Variants in PPP1R3F observed in about 807,000 individuals in gnomAD.
PPP1R3F encodes the protein protein phosphatase 1 regulatory subunit 3F.
In PPP1R3F, 29 loss-of-function variants were observed where a neutral mutation model predicts 24.2. That is an observed-to-expected ratio of 1.20 (90% CI 0.89 to 1.63). PPP1R3F has a LOEUF of 1.63. Ranked by LOEUF, PPP1R3F falls within the 40% of genes most tolerant of loss-of-function variation. PPP1R3F has a pLI of 0.00. For synonymous variants in PPP1R3F, 363 were observed against 340.1 expected (o/e 1.07, Z -0.74); for missense variants, 823 against 729.3 (o/e 1.13, Z -1.48).
chrX:49,299,974 G>C (rs1292409547), intron 3 of PPP1R3F, among the ~76,000 whole-genome samples: 1 of 112,081 alleles, frequency 8.9e-6, no homozygotes. Context: ...TGCTCAGCTA[G>C]ACCACATGGC....
In PPP1R3F at chrX:49,270,194, G is replaced by A. The variant is rs1557118688; in HGVS notation, c.325G>A (p.Ala109Thr). ...GCCCTCACCGCTGTGCCCCGTCCCC[G>A]CTGGCGGGGGGTTTTACCTGGTCCC... The part of the protein sequence containing the change: ...PEPSPLCPVP[A>T]GGGFYLVPTF... The change falls in exon 1 of 4, where the codon GCT becomes ACT. Residue 109 changes from alanine to threonine, a missense_variant. Coordinates refer to ENST00000055335, the MANE Select transcript of PPP1R3F (RefSeq NM_033215.5). 1 of 1,093,799 alleles carries A rather than the reference G, an allele frequency of 9.1e-7. No homozygotes were observed. The highest frequency in any genetic ancestry group is 1.2e-6 in the Non-Finnish European group (1 of 845,475). The allele number at this position is 1,093,799 out of a possible 1,213,427, so 90.1% of individuals were successfully genotyped here.
rs1351635910 is a variant in PPP1R3F, at chrX:49,274,397, GCTC to G, written c.1004+3527_1004+3529del. Reference sequence around the variant, plus strand: ...GTCTTAACACCAGTGGTCTTTCTGAGCTCCTGTCACCATGGTCTTTCTGTTACT... The same window carrying G: ...GTCTTAACACCAGTGGTCTTTCTGAGCTGTCACCATGGTCTTTCTGTTACT... On this transcript the variant is annotated intron_variant, in intron 1 of 3. Coordinates refer to ENST00000055335, the MANE Select transcript of PPP1R3F (RefSeq NM_033215.5). 8 of 112,298 alleles carry G rather than the reference GCTC, an allele frequency of 7.1e-5. No homozygotes were observed. The East Asian group carries it at 2.2e-3, about 32-fold the overall frequency. The allele number at this position is 112,298 out of a possible 1,213,427, so 9.3% of individuals were successfully genotyped here. A position where few individuals can be genotyped will look rare whatever the true frequency, so the allele number is the denominator to read the frequency against.
intron 3 of PPP1R3F, among the ~76,000 whole-genome samples, chrX:49,299,596 G>T (rs1231233390): frequency 8.9e-6 from 1 of 111,976 alleles, no homozygotes; most frequent in Non-Finnish European, 1.9e-5. Context: ...TAAGTCTGCT[G>T]AAGCTGTGCC....
At chrX:49,300,477 GTTTTTT>G (rs35140303) in intron 3 of PPP1R3F, among the ~76,000 whole-genome samples, 1 of 70,390 alleles carries the variant, frequency 1.4e-5, no homozygotes, top group East Asian at 4.5e-4. Context: ...TATTGCTGCT[GTTTTTT>G]TTTTTTTTTT....
At chrX:49,293,620 T>C (rs1180476499) in intron 3 of PPP1R3F, among the ~76,000 whole-genome samples, 1 of 112,335 alleles carries the variant, frequency 8.9e-6, no homozygotes, top group East Asian at 2.8e-4. Context: ...GGAGATGATA[T>C]ATGCTTTTCA....
intron 3 of PPP1R3F, among the ~76,000 whole-genome samples, chrX:49,299,775 C>T (rs2066332365): frequency 9.0e-6 from 1 of 111,669 alleles, no homozygotes; most frequent in African/African-American, 3.3e-5. Flanking sequence ...TGGGCTCTGC[C>T]CAGTTTGAAC....
At chrX:49,275,909 C>G (rs782446992) in intron 1 of PPP1R3F, 1 of 112,517 alleles carries the variant, frequency 8.9e-6, no homozygotes, top group Non-Finnish European at 1.9e-5. Context: ...GCACCTATAA[C>G]TGAAGGGATG....
intron 1 of PPP1R3F, among the ~76,000 whole-genome samples, chrX:49,280,598 T>C (rs2066242643): frequency 1.0e-5 from 1 of 95,673 alleles, no homozygotes; most frequent in African/African-American, 3.7e-5. Context: ...TAGGCTGGAG[T>C]GCAATGGCGC....
At chrX:49,289,483 C>T (rs2066302547), downstream of PPP1R3F, among the ~76,000 whole-genome samples, 1 of 111,412 alleles carries the variant, frequency 9.0e-6, no homozygotes, top group African/African-American at 3.3e-5. Flanking sequence ...AATGGAAGAT[C>T]CATAACTGCA....
chrX:49,272,875 T>A (rs2066189117), intron 1 of PPP1R3F, among the ~76,000 whole-genome samples: 1 of 111,421 alleles, frequency 9.0e-6, no homozygotes, highest in Non-Finnish European at 1.9e-5. Context: ...TCAAAGCCTC[T>A]CAGCTAGTGA....
Position 49,270,222 on chromosome X carries a change from C to T in PPP1R3F, c.353C>T (p.Thr118Ile). 9.1e-7 allele frequency: 1 copy of T among 1,097,303 alleles called. No individual in the cohort carries two copies. The allele number at this position is 1,097,303 out of a possible 1,213,427, so 90.4% of individuals were successfully genotyped here. Residue 118 changes from threonine to isoleucine, a missense_variant, in exon 1 of 4, where the codon ACA (threonine) becomes ATA (isoleucine). Coordinates refer to ENST00000055335, the MANE Select transcript of PPP1R3F (RefSeq NM_033215.5). Reference sequence around the variant, plus strand: ...GGCGGGGGGTTTTACCTGGTCCCCACATTTTCGCTGCCGCCCGCGCCGGGC... The same window carrying T: ...GGCGGGGGGTTTTACCTGGTCCCCATATTTTCGCTGCCGCCCGCGCCGGGC... ...PAGGGFYLVP[T>I]FSLPPAPGRL...
rs781858776 is a variant in PPP1R3F, at chrX:49,270,559, C to T, written c.690C>T (p.Ser230=). Residue 230 remains serine, a synonymous_variant, in exon 1 of 4, where the codon TCC becomes TCT. Coordinates refer to ENST00000055335, the MANE Select transcript of PPP1R3F (RefSeq NM_033215.5). The stretch of plus-strand genomic sequence containing the variant: ...TCGGCCTGGGTCCCGGCCAGGCATC[C>T]GCCTCCTCGCCCGACGACGGCGGCC... ...PGLGLGPGQA[S]ASSPDDGGRT... is the part of the protein sequence containing the mutation. 45 of 1,201,665 alleles carry T rather than the reference C, an allele frequency of 3.7e-5. No individual in the cohort carries two copies. The highest frequency in any genetic ancestry group is 2.8e-4 in the Admixed American group (13 of 45,813).
chrX:49,270,642 G>C lies in PPP1R3F; in HGVS notation c.773G>C (p.Arg258Pro). The C allele has an allele frequency of 1.7e-6, 2 of 1,207,918 alleles. No homozygotes were observed. Among genetic ancestry groups the C allele is most frequent in the Non-Finnish European group, 2.2e-6 (2 of 894,579 alleles). ...PFAEGAGDGA[R>P]LDFVVRYETP... The stretch of plus-strand genomic sequence containing the variant: ...GCTGAGGGCGCGGGCGATGGGGCGC[G>C]CCTCGACTTCGTGGTGCGCTATGAG... The change falls in exon 1 of 4, where the codon CGC (arginine) becomes CCC (proline). Residue 258 changes from arginine to proline, a missense_variant. Arg to Pro is a moderately radical substitution (Grantham distance 103). Coordinates refer to ENST00000055335, the MANE Select transcript of PPP1R3F (RefSeq NM_033215.5).
At chrX:49,271,077 AC>A (rs2066176888) in intron 1 of PPP1R3F, among the ~76,000 whole-genome samples, 1 of 112,122 alleles carries the variant, frequency 8.9e-6, no homozygotes, top group African/African-American at 3.2e-5. Flanking sequence ...ATTGAGTTCC[AC>A]TGTAAAGCCC....
chrX:49,281,332 A>C (rs1366040263), intron 1 of PPP1R3F, 74 bp from the exon 2 acceptor site: 3 of 780,460 alleles, frequency 3.8e-6, no homozygotes, highest in Non-Finnish European at 5.7e-6. Flanking sequence ...AGAGGCTCAG[A>C]AGGTGCCAGT....
rs1557118974 is a variant in PPP1R3F at position 49,270,599 on chromosome X, GC to G, written c.732del (p.Phe245SerfsTer81). The G allele has an allele frequency of 8.3e-7, 1 of 1,205,142 alleles. No individual in the cohort carries two copies. The highest frequency in any genetic ancestry group is 1.1e-6 in the Non-Finnish European group (1 of 894,489). On this transcript the variant is annotated frameshift_variant, in exon 1 of 4. Transcript: ENST00000055335. LOFTEE classifies it high-confidence loss of function. Reference sequence around the variant, plus strand: ...CGACGGCGGCCGCACCGACCGCTTTGCCTTCCAGCTGCCCTTTGCTGAGGGC... The same window carrying G: ...CGACGGCGGCCGCACCGACCGCTTTGCTTCCAGCTGCCCTTTGCTGAGGGC... ...PDDGGRTDRF[A>X]FQLPFAEGAG...
At chrX:49,273,094 A>G (rs1295303126) in intron 1 of PPP1R3F, 4 of 98,326 alleles carry the variant, frequency 4.1e-5, no homozygotes, top group Non-Finnish European at 8.0e-5. Flanking sequence ...TATTCTGTGT[A>G]TAGCCCAGTG....
Position 49,269,851 on chromosome X carries a change from T to C in PPP1R3F, c.-19T>C. The C allele has an allele frequency of 1.1e-6, 1 of 881,197 alleles. No individual in the cohort carries two copies. Among genetic ancestry groups the C allele is most frequent in the Non-Finnish European group, 1.4e-6 (1 of 718,254 alleles). The allele number at this position is 881,197 out of a possible 1,213,427, so 72.6% of individuals were successfully genotyped here. A position where few individuals can be genotyped will look rare whatever the true frequency, so the allele number is the denominator to read the frequency against. On this transcript the variant is annotated 5_prime_UTR_variant, in exon 1 of 4. Transcript: ENST00000055335. ...CCGGTCCCGCCGCCGGTGCCGTCGG[T>C]GCCGCCGCCGCCGCCGATATGGCGC... is the stretch of plus-strand genomic sequence containing the variant.
rs61353822 is a variant in PPP1R3F, at chrX:49,297,828, C to CTTTT, written c.393-3501_393-3498dup. The stretch of plus-strand genomic sequence containing the variant: ...TCAGAGACTAGGATTGCAACCCCTG[C>CTTTT]TTTTTTTTTTTTTTTTTTTTTTTTT... On this transcript the variant is annotated intron_variant, in intron 3 of 3. Coordinates refer to the PPP1R3F transcript ENST00000471261. 3.8e-3 allele frequency among the ~76,000 whole-genome samples: 75 copies of CTTTT among 19,612 alleles called. 3 individuals are homozygous for CTTTT. The highest frequency in any genetic ancestry group is 0.01 in the African/African-American group (35 of 3,379). The allele number at this position is 19,612 out of a possible 115,157, so 17.0% of individuals were successfully genotyped here.
Sources: allele counts gnomAD v4.1 joint callset (sites outside exome capture counted in the v4.1 genomes callset), GRCh38; gene constraint gnomAD v4.1.1; transcripts MANE v1.5; gene names NCBI Gene and HGNC (gene_info 2026-07-23, HGNC 2026-07-21).